NCK1: variants seen among roughly 807,000 people sequenced by gnomAD.
NCK1 encodes the protein NCK adaptor protein 1.
In NCK1, 19 loss-of-function variants were observed where a neutral mutation model predicts 36.6. The observed-to-expected ratio is 0.52, with a 90% CI of 0.36 to 0.76. NCK1 has a LOEUF of 0.76. Among genes scored for constraint, NCK1 ranks in the 30% least tolerant of loss-of-function variants. The probability of loss-of-function intolerance (pLI) is 0.00; values close to 1 mark genes in which losing one functional copy is unlikely to be tolerated. For missense variants in NCK1, 358 were observed against 445.6 expected (o/e 0.80, Z 1.77); for synonymous variants, 165 against 156.0 (o/e 1.06, Z -0.43).
In NCK1 at chr3:136,878,129, C is replaced by T. The variant is rs57546375; in HGVS notation, c.-19+15776C>T. Among the ~76,000 whole-genome samples the T allele has an allele frequency of 7.4e-3, 1,126 of 152,224 alleles. 18 individuals carry two copies. Among genetic ancestry groups the T allele is most frequent in the African/African-American group, 0.026 (1,074 of 41,530 alleles). On this transcript the variant is annotated intron_variant, in intron 1 of 3. Coordinates refer to ENST00000481752, the MANE Select transcript of NCK1 (RefSeq NM_001291999.2). ...AAACCTTTAAAACATGCTAAGTAGG[C>T]CGGACATGGTGGCTCACACCTGTAA...
chr3:136,913,514 C>G (rs563870660), intron 1 of NCK1, among the ~76,000 whole-genome samples: 4 of 152,140 alleles, frequency 2.6e-5, no homozygotes, highest in African/African-American at 7.2e-5. Context: ...GCAGTCCTCC[C>G]GCTTTGGCCT....
At chr3:136,899,188 C>A in intron 1 of NCK1, 1 of 221,368 alleles carries the variant, frequency 4.5e-6, no homozygotes. Context: ...GCTATTGCTG[C>A]TACTTCCAGA....
chr3:136,905,566 G>T (rs184541353), intron 1 of NCK1, among the ~76,000 whole-genome samples: 2 of 151,736 alleles, frequency 1.3e-5, no homozygotes, highest in East Asian at 2.0e-4. Flanking sequence ...GAATTCTCTT[G>T]TATCTTACTG....
chr3:136,864,622 G>A (rs1041811639), intron 1 of NCK1, among the ~76,000 whole-genome samples: 2 of 152,194 alleles, frequency 1.3e-5, no homozygotes, highest in Non-Finnish European at 2.9e-5. Context: ...ATAGCTGGAG[G>A]CCAGGAGTTT....
At chr3:136,882,986 T>C (rs1246358860) in intron 1 of NCK1, among the ~76,000 whole-genome samples, 4 of 152,206 alleles carry the variant, frequency 2.6e-5, no homozygotes, top group Non-Finnish European at 5.9e-5. Flanking sequence ...TGGTGTGATC[T>C]CAGCTCACTG....
In NCK1 at chr3:136,945,647, T is replaced by C; in HGVS notation, c.291T>C (p.Phe97=). ...PDSASPADDS[F]VDPGERLYDL... ...CTGCATCTCCTGCTGATGATAGTTT[T>C]GTTGACCCAGGGGAACGTCTCTATG... is the stretch of plus-strand genomic sequence containing the variant. Residue 97 remains phenylalanine, a synonymous_variant, in exon 3 of 4, where the codon TTT becomes TTC. Coordinates refer to ENST00000481752, the MANE Select transcript of NCK1 (RefSeq NM_001291999.2). 1.2e-6 allele frequency: 2 copies of C among 1,614,146 alleles called. No homozygotes were observed. The highest frequency in any genetic ancestry group is 2.2e-5 in the East Asian group (1 of 44,882).
intron 1 of NCK1, among the ~76,000 whole-genome samples, chr3:136,925,466 T>C (rs1490474515): frequency 6.6e-6 from 1 of 152,224 alleles, no homozygotes; most frequent in Non-Finnish European, 1.5e-5. Context: ...AATATCACAA[T>C]AATATTACAA....
intron 1 of NCK1, among the ~76,000 whole-genome samples, chr3:136,882,297 G>C (rs1377013590): frequency 3.3e-5 from 5 of 151,944 alleles, no homozygotes; most frequent in African/African-American, 1.2e-4. Flanking sequence ...TCATATGCTT[G>C]TTGGCTATTT....
intron 1 of NCK1, among the ~76,000 whole-genome samples, chr3:136,870,525 A>G (rs942846813): frequency 2.0e-5 from 3 of 150,800 alleles, no homozygotes; most frequent in Non-Finnish European, 4.4e-5. Flanking sequence ...TTTTTTTTGG[A>G]AATGCTTGAT....
chr3:136,906,253 C>A (rs1458614982), intron 1 of NCK1, among the ~76,000 whole-genome samples: 3 of 151,920 alleles, frequency 2.0e-5, no homozygotes, highest in African/African-American at 7.3e-5. Context: ...TTAGTGGAGG[C>A]TGTGATAAAG....
intron 1 of NCK1, among the ~76,000 whole-genome samples, chr3:136,885,900 C>T (rs1294965015): frequency 1.3e-5 from 2 of 152,118 alleles, no homozygotes; most frequent in Non-Finnish European, 2.9e-5. Flanking sequence ...AACTTAAAAG[C>T]TTCCATAGAC....
chr3:136,948,119 A>T lies in NCK1; in HGVS notation c.940-140A>T. The T allele has an allele frequency of 3.4e-6, 2 of 580,492 alleles. 1 individual carries two copies. The highest frequency in any genetic ancestry group is 7.6e-5 in the South Asian group (2 of 26,154). The allele number at this position is 580,492 out of a possible 1,614,324, so 36.0% of individuals were successfully genotyped here. On this transcript the variant is annotated intron_variant, in intron 3 of 3. Coordinates refer to ENST00000481752, the MANE Select transcript of NCK1 (RefSeq NM_001291999.2). ...AAAAAGGGTTTGTTTTGAAGAGTAA[A>T]GGAGATAATCTATGTAAATAATTTA...
chr3:136,890,174 C>T (rs1350767543), intron 1 of NCK1, among the ~76,000 whole-genome samples: 1 of 152,206 alleles, frequency 6.6e-6, no homozygotes, highest in African/African-American at 2.4e-5. Flanking sequence ...GGCAAGAAAT[C>T]GAGCGCAGCG....
At chr3:136,901,503 A>G (rs1195338933) in intron 1 of NCK1, among the ~76,000 whole-genome samples, 2 of 152,048 alleles carry the variant, frequency 1.3e-5, no homozygotes, top group Non-Finnish European at 2.9e-5. Context: ...GAAGCCATCC[A>G]GTCCCGGACT....
rs545281658 is a variant in NCK1, at chr3:136,881,011, A to G, written c.-19+18658A>G. On this transcript the variant is annotated intron_variant, in intron 1 of 3. Transcript: ENST00000481752. ...CCTGTCTTTCTCATTTCATTAAATG[A>G]TATTGCCATCCACTCAGTAGCTAGA... is the stretch of plus-strand genomic sequence containing the variant. 1.7e-3 allele frequency among the ~76,000 whole-genome samples: 260 copies of G among 152,252 alleles called. 2 individuals carry two copies. The highest frequency in any genetic ancestry group is 5.2e-3 in the African/African-American group (218 of 41,550).
At chr3:136,907,306 A>G (rs907425221) in intron 1 of NCK1, among the ~76,000 whole-genome samples, 2 of 152,010 alleles carry the variant, frequency 1.3e-5, no homozygotes, top group Non-Finnish European at 2.9e-5. Context: ...GTCTCCAGGG[A>G]TGTGGAGATG....
At chr3:136,880,158 G>T (rs1472255919) in intron 1 of NCK1, among the ~76,000 whole-genome samples, 2 of 151,796 alleles carry the variant, frequency 1.3e-5, no homozygotes, top group East Asian at 1.9e-4. Flanking sequence ...GGTGGTGGGC[G>T]CCTGTAGTCC....
At chr3:136,900,001 C>G (rs983790063) in intron 1 of NCK1, 5 of 671,626 alleles carry the variant, frequency 7.4e-6, no homozygotes, top group Non-Finnish European at 1.4e-5. Flanking sequence ...GTTGCAGAAA[C>G]AAAATCATCA....
At chr3:136,930,469 A>T in intron 2 of NCK1, 7 of 1,281,216 alleles carry the variant, frequency 5.5e-6, no homozygotes, top group Non-Finnish European at 6.9e-6. Context: ...GGGTGTGGGA[A>T]GTTTCAGTGT....
Sources: gnomAD v4.1 joint callset for allele counts (sites outside exome capture counted in the v4.1 genomes callset) on GRCh38, gnomAD v4.1.1 for gene constraint, MANE v1.5 for transcripts, NCBI Gene and HGNC (gene_info 2026-07-23, HGNC 2026-07-21) for gene names.